Variants in TAF3 observed in about 807,000 individuals in gnomAD.
TAF3 encodes the protein TATA-box binding protein associated factor 3, also known as transcription initiation factor TFIID subunit 3.
TAF3 carries 7 observed loss-of-function variants against 80.6 expected under a neutral mutation model. The observed-to-expected ratio is 0.09, with a 90% confidence interval of 0.05 to 0.16. The LOEUF (loss-of-function observed/expected upper bound fraction) is 0.16, where lower values mean the gene tolerates loss of function less well. Among genes scored for constraint, TAF3 ranks in the 10% least tolerant of loss-of-function variants. The probability of loss-of-function intolerance (pLI) is 1.00; values close to 1 mark genes in which losing one functional copy is unlikely to be tolerated. For missense variants in TAF3, 921 were observed against 1,140.2 expected, an observed-to-expected ratio of 0.81 and a Z score of 2.77; for synonymous variants, 444 against 446.1, an observed-to-expected ratio of 1.00 and a Z score of 0.06.
intron 3 of TAF3, among the ~76,000 whole-genome samples, chr10:7,965,990 C>T (rs371301707): frequency 6.6e-6 from 1 of 152,092 alleles, no homozygotes; most frequent in African/African-American, 2.4e-5. Context: ...AGACTATAAA[C>T]TCTCTATTAG....
intron 4 of TAF3, among the ~76,000 whole-genome samples, chr10:7,979,358 A>G (rs1776396978): frequency 9.9e-6 from 1 of 101,476 alleles, no homozygotes; most frequent in Non-Finnish European, 2.2e-5. Context: ...AATGAAAAAA[A>G]AATGAAAAAA....
intron 2 of TAF3, among the ~76,000 whole-genome samples, chr10:7,938,081 T>C (rs1023664705): frequency 2.6e-5 from 4 of 152,208 alleles, no homozygotes; most frequent in Admixed American, 2.6e-4. Flanking sequence ...ATGTCTTTAT[T>C]AATAAAACAT....
intron 2 of TAF3, among the ~76,000 whole-genome samples, chr10:7,905,494 G>A (rs1406805348): frequency 6.6e-6 from 1 of 152,154 alleles, no homozygotes; most frequent in African/African-American, 2.4e-5. Flanking sequence ...TCAGATGGCT[G>A]GACATAGCTG....
At chr10:7,820,388 A>G (rs1836679218) in intron 1 of TAF3, among the ~76,000 whole-genome samples, 1 of 152,248 alleles carries the variant, frequency 6.6e-6, no homozygotes, top group South Asian at 2.1e-4. Context: ...TATTTGTTGA[A>G]TAAATGAATG....
At chr10:7,823,342 A>T (rs1836708163) in intron 1 of TAF3, among the ~76,000 whole-genome samples, 1 of 152,024 alleles carries the variant, frequency 6.6e-6, no homozygotes, top group African/African-American at 2.4e-5. Flanking sequence ...ATTAAAAAAA[A>T]AAAAAAGGCC....
chr10:7,824,177 A>G, intron 1 of TAF3, 141 bp from the exon 2 acceptor site: 7 of 994,796 alleles, frequency 7.0e-6, no homozygotes, highest in Non-Finnish European at 1.0e-5. Context: ...TACTCTTTAA[A>G]ATCTATTAAA....
At chr10:7,975,114 T>C in intron 3 of TAF3, 1 of 281,472 alleles carries the variant, frequency 3.6e-6, no homozygotes, top group Non-Finnish European at 7.0e-6. Context: ...AAATAATTCG[T>C]GGAACAGAAA....
rs58593612 is a variant in TAF3 at position 7,878,690 on chromosome 10, AATGTATGTATGTATGTATGTATGT to A, written c.409+54161_409+54184del. Among the ~76,000 whole-genome samples the A allele has an allele frequency of 4.4e-3, 641 of 147,008 alleles. 4 individuals carry two copies. Among genetic ancestry groups the A allele is most frequent in the East Asian group, 0.03 (149 of 4,992 alleles). ...TAGATGCACTATAATTAATTCAACC[AATGTATGTATGTATGTATGTATGT>A]ATGTATGTATGTATGTATGTATGTA... On this transcript the variant is annotated intron_variant, in intron 2 of 6. Coordinates refer to ENST00000344293, the MANE Select transcript of TAF3 (RefSeq NM_031923.4).
intron 2 of TAF3, among the ~76,000 whole-genome samples, chr10:7,868,048 C>T (rs914809026): frequency 2.6e-5 from 4 of 151,926 alleles, no homozygotes; most frequent in Admixed American, 6.6e-5. Flanking sequence ...TGATCCTTGT[C>T]ATCTTCATGT....
At chr10:7,932,913 C>T (rs979447876) in intron 2 of TAF3, among the ~76,000 whole-genome samples, 2 of 151,968 alleles carry the variant, frequency 1.3e-5, no homozygotes, top group African/African-American at 4.8e-5. Flanking sequence ...CTCCTGGGCT[C>T]GAGTGATCCT....
chr10:7,899,879 A>G (rs1837542486), intron 2 of TAF3, among the ~76,000 whole-genome samples: 1 of 152,218 alleles, frequency 6.6e-6, no homozygotes, highest in South Asian at 2.1e-4. Context: ...AAGAAAATGT[A>G]AACTGCAATA....
At chr10:7,859,307 TAAATAAATAA>T (rs1564349766) in intron 2 of TAF3, among the ~76,000 whole-genome samples, 10 of 115,540 alleles carry the variant, frequency 8.7e-5, no homozygotes. Context: ...AATAAATAAA[TAAATAAATAA>T]AAGAGAAGTG....
chr10:7,836,757 G>A (rs1836855671), intron 2 of TAF3, among the ~76,000 whole-genome samples: 1 of 152,066 alleles, frequency 6.6e-6, no homozygotes, highest in South Asian at 2.1e-4. Flanking sequence ...AAATATTATT[G>A]CATCACTTCC....
chr10:7,938,473 T>C lies in TAF3; in HGVS notation c.410-25447T>C, dbSNP rs137936362. ...TGAAGGGAAATGAATAATACTTGTT[T>C]AGTGACTAGATATGGATGGTGAGTG... is the stretch of plus-strand genomic sequence containing the variant. On this transcript the variant is annotated intron_variant, in intron 2 of 6. Coordinates refer to ENST00000344293, the MANE Select transcript of TAF3 (RefSeq NM_031923.4). Among the ~76,000 whole-genome samples, 203 of 152,270 alleles carry C rather than the reference T, an allele frequency of 1.3e-3. 1 individual carries two copies. Among genetic ancestry groups the C allele is most frequent in the African/African-American group, 4.8e-3 (199 of 41,554 alleles).
intron 2 of TAF3, among the ~76,000 whole-genome samples, chr10:7,941,765 A>T (rs1172845741): frequency 6.6e-6 from 1 of 152,198 alleles, no homozygotes; most frequent in Non-Finnish European, 1.5e-5. Context: ...GGAAAAGGGC[A>T]GGGTTGTGGT....
chr10:7,820,558 G>A (rs960695172), intron 1 of TAF3, among the ~76,000 whole-genome samples: 1 of 152,208 alleles, frequency 6.6e-6, no homozygotes, highest in African/African-American at 2.4e-5. Context: ...GCAGTGGTGC[G>A]ATCTTAGCTC....
chr10:7,901,933 A>G (rs1208154594), intron 2 of TAF3, among the ~76,000 whole-genome samples: 3 of 152,030 alleles, frequency 2.0e-5, no homozygotes, highest in Admixed American at 2.0e-4. Context: ...ATTTTGCCAC[A>G]TTGGCTTTCT....
intron 2 of TAF3, among the ~76,000 whole-genome samples, chr10:7,907,607 A>G (rs917043918): frequency 6.6e-6 from 1 of 152,224 alleles, no homozygotes; most frequent in South Asian, 2.1e-4. Flanking sequence ...AGTTTGGGCA[A>G]TACTGACTTG....
chr10:7,840,176 G>A (rs1244278572), intron 2 of TAF3, among the ~76,000 whole-genome samples: 2 of 147,594 alleles, frequency 1.4e-5, no homozygotes, highest in East Asian at 2.0e-4. Flanking sequence ...TTTTCGAGAC[G>A]GAGTCTCACA....
Sources: allele counts gnomAD v4.1 joint callset (sites outside exome capture counted in the v4.1 genomes callset), GRCh38; gene constraint gnomAD v4.1.1; transcripts MANE v1.5; gene names NCBI Gene and HGNC (gene_info 2026-07-23, HGNC 2026-07-21).